The following NCKAP5 variants were observed in gnomAD, a reference collection of about 807,000 sequenced individuals.
NCKAP5 encodes the protein nck-associated protein 5.
In NCKAP5, 92 loss-of-function variants were observed where a neutral mutation model predicts 167.0. The ratio of observed to expected loss-of-function variants is 0.55; its 90% CI spans 0.47 to 0.66. The LOEUF (loss-of-function observed/expected upper bound fraction) is 0.66, where lower values mean the gene tolerates loss of function less well. Ranked by LOEUF, NCKAP5 falls within the 30% of genes least tolerant of loss-of-function variation. The pLI is 0.00. For synonymous variants in NCKAP5, 891 were observed against 877.4 expected, an observed-to-expected ratio of 1.02 and a Z score of -0.27; for missense variants, 2,378 against 2,315.0, an observed-to-expected ratio of 1.03 and a Z score of -0.56.
At chr2:133,503,819 G>T (rs1003932640) in intron 3 of NCKAP5, among the ~76,000 whole-genome samples, 1 of 152,182 alleles carries the variant, frequency 6.6e-6, no homozygotes, top group South Asian at 2.1e-4. Context: ...TGGATTAATT[G>T]CAGGACGTCA....
At chr2:132,828,075 C>G (rs6724277) in intron 11 of NCKAP5, among the ~76,000 whole-genome samples, 1 of 152,110 alleles carries the variant, frequency 6.6e-6, no homozygotes, top group Non-Finnish European at 1.5e-5. Context: ...ATTGTATTTT[C>G]ATGAAAAATG....
chr2:133,181,089 A>C (rs1051442025), intron 5 of NCKAP5, among the ~76,000 whole-genome samples: 5 of 152,130 alleles, frequency 3.3e-5, no homozygotes, highest in African/African-American at 1.2e-4. Flanking sequence ...ATGGGTTTTT[A>C]TTCTCATGAG....
At chr2:133,352,101 C>T (rs1684402995) in intron 3 of NCKAP5, among the ~76,000 whole-genome samples, 1 of 152,198 alleles carries the variant, frequency 6.6e-6, no homozygotes, top group African/African-American at 2.4e-5. Context: ...CTCGTCACCT[C>T]TCTCCTTCAG....
chr2:133,533,276 G>A (rs1467160994), intron 2 of NCKAP5, among the ~76,000 whole-genome samples: 5 of 152,206 alleles, frequency 3.3e-5, no homozygotes, highest in Non-Finnish European at 7.3e-5. Context: ...ATGCAGAAAG[G>A]AAGGTTCACT....
chr2:133,095,878 T>C (rs2149658728), intron 6 of NCKAP5, among the ~76,000 whole-genome samples: 1 of 152,226 alleles, frequency 6.6e-6, no homozygotes, highest in African/African-American at 2.4e-5. Flanking sequence ...TGGTCTAATA[T>C]CAGCAATCTT....
chr2:132,880,638 A>T (rs924896525), intron 8 of NCKAP5, among the ~76,000 whole-genome samples: 3 of 152,216 alleles, frequency 2.0e-5, no homozygotes, highest in Non-Finnish European at 4.4e-5. Context: ...AGAAAAAAAA[A>T]GAGAAAAAAG....
chr2:133,527,021 G>C (rs143905232), intron 2 of NCKAP5: 66 of 152,012 alleles, frequency 4.3e-4, no homozygotes, highest in African/African-American at 1.5e-3. Flanking sequence ...GGGATGCTGG[G>C]GGAATTATAG....
chr2:132,845,989 A>G (rs1047289512), intron 11 of NCKAP5, among the ~76,000 whole-genome samples: 1 of 151,866 alleles, frequency 6.6e-6, no homozygotes, highest in African/African-American at 2.4e-5. Flanking sequence ...GATCTTACAT[A>G]TTTCTTATTA....
chr2:133,336,090 G>A (rs917949627), intron 3 of NCKAP5, among the ~76,000 whole-genome samples: 3 of 151,944 alleles, frequency 2.0e-5, no homozygotes, highest in African/African-American at 4.8e-5. Flanking sequence ...GACAGAGGGT[G>A]GAAAATCACA....
chr2:132,828,909 G>T (rs531681520), intron 11 of NCKAP5, among the ~76,000 whole-genome samples: 3 of 152,264 alleles, frequency 2.0e-5, no homozygotes, highest in African/African-American at 7.2e-5. Context: ...CCTGAGGCCT[G>T]TGGAGGCTTG....
intron 9 of NCKAP5, among the ~76,000 whole-genome samples, chr2:132,876,593 G>A (rs1691299716): frequency 6.6e-6 from 1 of 152,148 alleles, no homozygotes; most frequent in African/African-American, 2.4e-5. Context: ...GTGTGGAAAT[G>A]GATTATCTAC....
At chr2:132,975,429 G>C (rs770566450) in intron 7 of NCKAP5, among the ~76,000 whole-genome samples, 4 of 152,142 alleles carry the variant, frequency 2.6e-5, no homozygotes, top group Non-Finnish European at 2.9e-5. Flanking sequence ...ATATTGAACA[G>C]ATCCTGTGGA....
intron 3 of NCKAP5, among the ~76,000 whole-genome samples, chr2:133,316,774 C>T (rs1033327967): frequency 2.0e-5 from 3 of 152,154 alleles, no homozygotes; most frequent in Non-Finnish European, 4.4e-5. Context: ...TCTCTATTTT[C>T]ATGGTAAAAA....
At chr2:132,891,563 T>A (rs1047174764) in intron 8 of NCKAP5, among the ~76,000 whole-genome samples, 1 of 152,254 alleles carries the variant, frequency 6.6e-6, no homozygotes, top group Non-Finnish European at 1.5e-5. Flanking sequence ...TGACTCTCAT[T>A]GGGAGAAAAC....
intron 3 of NCKAP5, among the ~76,000 whole-genome samples, chr2:133,321,776 A>G (rs1028624133): frequency 1.7e-4 from 26 of 152,184 alleles, no homozygotes; most frequent in Admixed American, 1.7e-3. Flanking sequence ...CAATAACCCA[A>G]TATTCCCTAG....
chr2:132,684,526 A>G (rs73957612), intron 19 of NCKAP5, among the ~76,000 whole-genome samples: 1,672 of 152,296 alleles, frequency 0.011, 34 homozygotes, highest in African/African-American at 0.038. Flanking sequence ...AAACTGCCTC[A>G]TTCTGAGTAT....
At chr2:133,588,281 C>G in the NCKAP5 span, among the ~76,000 whole-genome samples, 1 of 78,564 alleles carries the variant, frequency 1.3e-5, no homozygotes, top group Non-Finnish European at 2.6e-5. Flanking sequence ...CTCCCTCCCT[C>G]TCTCCCTACC....
At chr2:133,104,744 TTCAC>T (rs2081627230) in intron 6 of NCKAP5, among the ~76,000 whole-genome samples, 1 of 152,192 alleles carries the variant, frequency 6.6e-6, no homozygotes, top group Non-Finnish European at 1.5e-5. Context: ...CAAAGATCAT[TTCAC>T]TCACTCTGGT....
chr2:132,982,497 G>A (rs2077170319), intron 7 of NCKAP5, among the ~76,000 whole-genome samples: 1 of 152,164 alleles, frequency 6.6e-6, no homozygotes, highest in African/African-American at 2.4e-5. Flanking sequence ...CTTCATAGCA[G>A]TCTTTTAAAA....
Sources: allele counts gnomAD v4.1 joint callset (sites outside exome capture counted in the v4.1 genomes callset), GRCh38; gene constraint gnomAD v4.1.1; transcripts MANE v1.5; gene names NCBI Gene and HGNC (gene_info 2026-07-23, HGNC 2026-07-21).